PPARD: variants seen among roughly 807,000 people sequenced by gnomAD.
The protein encoded by PPARD is peroxisome proliferator activated receptor delta, also known as peroxisome proliferator-activated receptor delta.
PPARD carries 6 observed loss-of-function variants against 39.5 expected under a neutral mutation model. That is an observed-to-expected ratio of 0.15 (90% CI 0.08 to 0.30). The LOEUF (loss-of-function observed/expected upper bound fraction) is 0.30, where lower values mean the gene tolerates loss of function less well. Among genes scored for constraint, PPARD ranks in the 10% least tolerant of loss-of-function variants. The pLI is 1.00. For missense variants in PPARD, 397 were observed against 596.8 expected (o/e 0.67, Z 3.49); for synonymous variants, 210 against 231.3 (o/e 0.91, Z 0.83).
intron 2 of PPARD, among the ~76,000 whole-genome samples, chr6:35,377,744 TTGC>T (rs1430297794): frequency 6.6e-6 from 1 of 152,112 alleles, no homozygotes; most frequent in Non-Finnish European, 1.5e-5. Flanking sequence ...GTTTATTCCT[TTGC>T]TGGAATTGCC....
At chr6:35,372,140 G>A (rs552623752) in intron 2 of PPARD, among the ~76,000 whole-genome samples, 4 of 152,302 alleles carry the variant, frequency 2.6e-5, no homozygotes, top group Admixed American at 6.5e-5. Context: ...AGATTGCATA[G>A]TGTCTAGCAC....
chr6:35,396,601 C>T lies in PPARD; in HGVS notation c.-101-14386C>T, dbSNP rs556464930. ...ATCCCAGCACTTTGGGAGGCCGAGG[C>T]GGGCAGATCATGAGGTCAGGAGACA... On this transcript the variant is annotated intron_variant, in intron 2 of 7. Coordinates refer to ENST00000360694, the MANE Select transcript of PPARD (RefSeq NM_006238.5). 1.7e-4 allele frequency among the ~76,000 whole-genome samples: 25 copies of T among 148,512 alleles called. No homozygotes were observed. The South Asian group carries it at 4.9e-3, about 29-fold the overall frequency.
chr6:35,358,268 G>A (rs191962329), intron 2 of PPARD, among the ~76,000 whole-genome samples: 108 of 152,236 alleles, frequency 7.1e-4, no homozygotes, highest in African/African-American at 2.4e-3. Context: ...AAAATGCAAC[G>A]AACGTAGCTT....
rs9658150 is a variant in PPARD at position 35,420,123 on chromosome 6, G to A, written c.131-4G>A. 104 of 1,611,232 alleles carry A rather than the reference G, an allele frequency of 6.5e-5. No homozygotes were observed. The highest frequency in any genetic ancestry group is 8.3e-5 in the Non-Finnish European group (98 of 1,179,494). The stretch of plus-strand genomic sequence containing the variant: ...GGAGCTGCCCCTCCATCGTGTGTCC[G>A]CAGACCTCTCCCGGAGCTCCTCGCC... On this transcript the variant is annotated splice_region_variant and splice_polypyrimidine_tract_variant and intron_variant, in intron 3 of 7. Transcript: ENST00000360694.
chr6:35,361,508 A>G (rs547322906), intron 2 of PPARD, among the ~76,000 whole-genome samples: 1 of 152,310 alleles, frequency 6.6e-6, no homozygotes, highest in East Asian at 1.9e-4. Context: ...TAAAATAATA[A>G]TAAAAAAAGA....
chr6:35,404,478 T>G (rs1228108457), intron 2 of PPARD, among the ~76,000 whole-genome samples: 1 of 152,136 alleles, frequency 6.6e-6, no homozygotes, highest in African/African-American at 2.4e-5. Context: ...ATGGAGCCCA[T>G]GGAGGATGGA....
rs143840226 is a variant in PPARD at position 35,405,205 on chromosome 6, G to A, written c.-101-5782G>A. 8.2e-3 allele frequency among the ~76,000 whole-genome samples: 1,240 copies of A among 151,976 alleles called. 19 individuals carry two copies. Among genetic ancestry groups the A allele is most frequent in the African/African-American group, 0.026 (1,094 of 41,410 alleles). ...CCCAGGTAGCTGGGATTACAGGTGC[G>A]TGCCACCACACCCGGATAACCAGGG... is the stretch of plus-strand genomic sequence containing the variant. On this transcript the variant is annotated intron_variant, in intron 2 of 7. Coordinates refer to ENST00000360694, the MANE Select transcript of PPARD (RefSeq NM_006238.5).
In PPARD at chr6:35,363,879, G is replaced by A. The variant is rs1464976264; in HGVS notation, c.-102+16729G>A. 2.0e-5 allele frequency among the ~76,000 whole-genome samples: 3 copies of A among 151,340 alleles called. No homozygotes were observed. Among genetic ancestry groups the A allele is most frequent in the Non-Finnish European group, 2.9e-5 (2 of 67,872 alleles). ...AACCAAATTCACCACTTTAAAGTGT[G>A]TACTTTGATGGTTTTTGTATATTAA... On this transcript the variant is annotated intron_variant, in intron 2 of 7. Transcript: ENST00000360694. The surrounding 1 kb of genome is among the most constrained non-coding windows in gnomAD (Gnocchi z 4.5).
intron 2 of PPARD, among the ~76,000 whole-genome samples, chr6:35,357,995 A>G (rs957228024): frequency 2.6e-5 from 4 of 152,314 alleles, no homozygotes; most frequent in African/African-American, 7.2e-5. Context: ...GGTAAGCTAA[A>G]TAGTGGCCCC....
intron 2 of PPARD, among the ~76,000 whole-genome samples, chr6:35,377,545 G>A (rs1188705211): frequency 6.6e-6 from 1 of 152,196 alleles, no homozygotes; most frequent in Non-Finnish European, 1.5e-5. Flanking sequence ...TTAGGGTCCA[G>A]CTGTTTGGCT....
At chr6:35,343,754 A>G (rs1459527777) in intron 1 of PPARD, among the ~76,000 whole-genome samples, 1 of 152,196 alleles carries the variant, frequency 6.6e-6, no homozygotes, top group Non-Finnish European at 1.5e-5. Context: ...TGCCACGGGT[A>G]GCCGGAGGCT....
intron 1 of PPARD, among the ~76,000 whole-genome samples, chr6:35,346,647 T>C (rs1792202186): frequency 6.6e-6 from 1 of 152,202 alleles, no homozygotes; most frequent in African/African-American, 2.4e-5. Flanking sequence ...CATATGGGTC[T>C]TCTTCCTTGG....
At chr6:35,377,850 G>GGTCGCT (rs1468432221) in intron 2 of PPARD, among the ~76,000 whole-genome samples, 1 of 134,260 alleles carries the variant, frequency 7.4e-6, no homozygotes, top group East Asian at 2.4e-4. Flanking sequence ...TCACTCTGTG[G>GGTCGCT]GTCGCTGCTT....
At chr6:35,384,661 G>T (rs1763466563) in intron 2 of PPARD, among the ~76,000 whole-genome samples, 1 of 77,682 alleles carries the variant, frequency 1.3e-5, no homozygotes, top group East Asian at 3.9e-4. Flanking sequence ...GAGGGAGGTG[G>T]GGGGGTCAGC....
chr6:35,400,830 T>C (rs1173532475), intron 2 of PPARD, among the ~76,000 whole-genome samples: 1 of 148,620 alleles, frequency 6.7e-6, no homozygotes, highest in East Asian at 2.0e-4. Flanking sequence ...AAGGTATAAG[T>C]GGTGGTGTCC....
intron 3 of PPARD, 25 bp from the exon 4 acceptor site, chr6:35,420,102 C>T (rs772773145): frequency 1.2e-6 from 2 of 1,605,352 alleles, no homozygotes; most frequent in Non-Finnish European, 1.7e-6. Flanking sequence ...GCATGTGGAG[C>T]TGCCCCTCCA....
intron 2 of PPARD, among the ~76,000 whole-genome samples, chr6:35,350,134 C>T (rs1037869555): frequency 3.3e-5 from 5 of 152,064 alleles, no homozygotes; most frequent in Admixed American, 1.3e-4. Context: ...TGTTTGAGCT[C>T]GTTATATATT....
intron 4 of PPARD, among the ~76,000 whole-genome samples, chr6:35,421,561 A>C (rs1281110029): frequency 6.6e-6 from 1 of 151,160 alleles, no homozygotes; most frequent in Admixed American, 6.6e-5. Flanking sequence ...GCTGGTCTCA[A>C]ACTCCTGACC....
rs1272021928 is a variant in PPARD, at chr6:35,421,832, C to T, written c.298C>T (p.Arg100Cys). ...CTTGGTGCTTCAGGGCTTCTTCCGT[C>T]GTACGATCCGCATGAAGCTGGAGTA... The part of the protein sequence containing the change: ...ACEGCKGFFR[R>C]TIRMKLEYEK... The change falls in exon 5 of 8, where the codon CGT becomes TGT. Residue 100 changes from arginine to cysteine, a missense_variant. By Grantham distance (180) the Arg-to-Cys change is radical. Transcript: ENST00000360694. 1.2e-6 allele frequency: 2 copies of T among 1,611,898 alleles called. No individual in the cohort carries two copies. The highest frequency in any genetic ancestry group is 1.1e-5 in the South Asian group (1 of 90,756).
Sources: allele counts gnomAD v4.1 joint callset (sites outside exome capture counted in the v4.1 genomes callset), GRCh38; gene constraint gnomAD v4.1.1; non-coding constraint Gnocchi (gnomAD v3.1); transcripts MANE v1.5; gene names NCBI Gene and HGNC (gene_info 2026-07-23, HGNC 2026-07-21).